The following ADRA1B variants were observed in gnomAD, a reference collection of about 807,000 sequenced individuals.
ADRA1B encodes the protein alpha-1B adrenergic receptor.
In ADRA1B, 17 loss-of-function variants were observed where a neutral mutation model predicts 17.9. The observed-to-expected ratio is 0.95, with a 90% CI of 0.65 to 1.42. The LOEUF (loss-of-function observed/expected upper bound fraction) is 1.42. Among genes scored for constraint, ADRA1B ranks in the 40% most tolerant of loss-of-function variants. The pLI, the probability that ADRA1B is intolerant of heterozygous loss-of-function variation, is 0.00. For synonymous variants in ADRA1B, 366 were observed against 327.6 expected (o/e 1.12, Z -1.27); for missense variants, 681 against 722.1 (o/e 0.94, Z 0.65).
intron 1 of ADRA1B, chr5:159,948,314 G>T (rs1755331702): frequency 1.0e-6 from 1 of 985,380 alleles, no homozygotes; most frequent in Non-Finnish European, 1.2e-6. Context: ...AGCACTTTAT[G>T]CTCACCCTTT....
chr5:159,886,964 A>T (rs1351322218), intron 1 of ADRA1B, among the ~76,000 whole-genome samples: 1 of 152,188 alleles, frequency 6.6e-6, no homozygotes, highest in African/African-American at 2.4e-5. Context: ...GCCTTCAAAG[A>T]CAATGATATT....
At chr5:159,942,930 C>T (rs1014018563) in intron 1 of ADRA1B, among the ~76,000 whole-genome samples, 2 of 152,024 alleles carry the variant, frequency 1.3e-5, no homozygotes, top group African/African-American at 2.4e-5. Flanking sequence ...ATTTGTAATG[C>T]TTTCTTTATT....
At chr5:159,979,585 C>T in the ADRA1B span, among the ~76,000 whole-genome samples, 1 of 152,040 alleles carries the variant, frequency 6.6e-6, no homozygotes, top group Non-Finnish European at 1.5e-5. Flanking sequence ...AAAGATGTGG[C>T]TGGCTGGGCA....
In ADRA1B at chr5:159,968,713, G is replaced by A. The variant is rs567529348; in HGVS notation, c.950-3166G>A. Among the ~76,000 whole-genome samples the A allele has an allele frequency of 8.5e-5, 13 of 152,244 alleles. No homozygotes were observed. In the South Asian group the frequency reaches 1.7e-3, roughly 19 times the overall value. On this transcript the variant is annotated intron_variant, in intron 1 of 1. Transcript: ENST00000306675. ...ATCCCTGTGTAATGCACAAGGCTTC[G>A]AAACTTTACCTCCCTCACTCTACTT...
At chr5:159,879,758 G>A (rs2113085206) in intron 1 of ADRA1B, among the ~76,000 whole-genome samples, 1 of 152,300 alleles carries the variant, frequency 6.6e-6, no homozygotes, top group South Asian at 2.1e-4. Flanking sequence ...CACTTTGGGA[G>A]GCCGAGGCGG....
intron 1 of ADRA1B, among the ~76,000 whole-genome samples, chr5:159,867,201 G>C (rs1753668723): frequency 6.6e-6 from 1 of 152,094 alleles, no homozygotes; most frequent in Non-Finnish European, 1.5e-5. Context: ...ATGTTGCCTT[G>C]AACCCTGAAT....
intron 1 of ADRA1B, among the ~76,000 whole-genome samples, chr5:159,875,632 C>T (rs1190807153): frequency 1.3e-5 from 2 of 152,192 alleles, no homozygotes; most frequent in Non-Finnish European, 2.9e-5. Flanking sequence ...GATTCCTGCA[C>T]AGCCAGAACC....
chr5:159,956,752 CCAAAATT>C (rs1263839289), intron 1 of ADRA1B, among the ~76,000 whole-genome samples: 48 of 152,262 alleles, frequency 3.2e-4, no homozygotes, highest in Non-Finnish European at 2.6e-4. Flanking sequence ...AGTTTTCCAC[CCAAAATT>C]TACATCTCCG....
chr5:159,915,858 G>C (rs1754287182), upstream of ADRA1B, among the ~76,000 whole-genome samples: 1 of 152,210 alleles, frequency 6.6e-6, no homozygotes, highest in Admixed American at 6.5e-5. Flanking sequence ...CGCTCCTATA[G>C]GGCAGGAGTC....
intron 1 of ADRA1B, among the ~76,000 whole-genome samples, chr5:159,911,379 G>T (rs1581027623): frequency 6.6e-6 from 1 of 152,166 alleles, no homozygotes. Context: ...GAGACAGCAG[G>T]CCTTTCGGAT....
At chr5:159,879,064 C>T (rs1753829965) in intron 1 of ADRA1B, among the ~76,000 whole-genome samples, 1 of 152,118 alleles carries the variant, frequency 6.6e-6, no homozygotes, top group Admixed American at 6.6e-5. Context: ...GCCACTTTCT[C>T]TGCTTGTTAC....
intron 1 of ADRA1B, among the ~76,000 whole-genome samples, chr5:159,865,721 G>T (rs1166499856): frequency 6.6e-6 from 1 of 152,096 alleles, no homozygotes; most frequent in Non-Finnish European, 1.5e-5. Flanking sequence ...TCCCTTTTAC[G>T]ACATGCTTGT....
At chr5:159,896,792 G>T (rs539412263) in intron 1 of ADRA1B, among the ~76,000 whole-genome samples, 1 of 152,222 alleles carries the variant, frequency 6.6e-6, no homozygotes, top group Admixed American at 6.5e-5. Context: ...AGCACAGGGG[G>T]AAAACAAATC....
chr5:159,942,430 G>T (rs1755160178), intron 1 of ADRA1B, among the ~76,000 whole-genome samples: 1 of 152,216 alleles, frequency 6.6e-6, no homozygotes, highest in African/African-American at 2.4e-5. Context: ...CCGTAAGCAG[G>T]TAAGGAAATA....
chr5:159,940,001 C>T (rs1755081326), intron 1 of ADRA1B, among the ~76,000 whole-genome samples: 2 of 152,196 alleles, frequency 1.3e-5, no homozygotes, highest in South Asian at 4.1e-4. Flanking sequence ...CCATCTCTCC[C>T]GGGAGACTGG....
At chr5:159,903,353 T>C (rs946583648) in intron 1 of ADRA1B, among the ~76,000 whole-genome samples, 3 of 152,220 alleles carry the variant, frequency 2.0e-5, no homozygotes, top group African/African-American at 7.2e-5. Context: ...TCTGTCCATG[T>C]GAAGCCTAAA....
At chr5:159,934,633 C>T (rs1251465001) in intron 1 of ADRA1B, among the ~76,000 whole-genome samples, 3 of 151,828 alleles carry the variant, frequency 2.0e-5, no homozygotes, top group Non-Finnish European at 4.4e-5. Context: ...GGTGAAACCC[C>T]GTCTGTACTA....
chr5:159,972,380 G>A lies in ADRA1B; in HGVS notation c.1451G>A (p.Ser484Asn). 1 of 1,512,836 alleles carries A rather than the reference G, an allele frequency of 6.6e-7. No homozygotes were observed. The highest frequency in any genetic ancestry group is 8.8e-7 in the Non-Finnish European group (1 of 1,136,690). 93.7% of individuals were successfully genotyped at this position (1,512,836 alleles called of 1,614,324 possible). The change falls in exon 2 of 2, where the codon AGC (serine) becomes AAC (asparagine). Residue 484 changes from serine to asparagine, a missense_variant. Physicochemically the swap from Ser to Asn is conservative, Grantham distance 46. Coordinates refer to ENST00000306675, the MANE Select transcript of ADRA1B (RefSeq NM_000679.4). ...FTFKLLTEPE[S>N]PGTDGGASNG... ...TTCAAGCTCCTGACCGAGCCCGAGA[G>A]CCCCGGGACCGACGGCGGCGCCAGC...
chr5:159,954,913 A>G (rs566717552), intron 1 of ADRA1B, among the ~76,000 whole-genome samples: 25 of 152,264 alleles, frequency 1.6e-4, no homozygotes, highest in Admixed American at 1.6e-3. Context: ...TTCAAGTTGT[A>G]CTGCTACCTG....
Sources: gnomAD v4.1 joint callset for allele counts (sites outside exome capture counted in the v4.1 genomes callset) on GRCh38, gnomAD v4.1.1 for gene constraint, MANE v1.5 for transcripts, NCBI Gene and HGNC (gene_info 2026-07-23, HGNC 2026-07-21) for gene names.